IGSF23: variants seen among roughly 807,000 people sequenced by gnomAD.
IGSF23 encodes the protein immunoglobulin superfamily member 23.
A neutral mutation model predicts 17.8 loss-of-function variants in IGSF23; 14 were observed. The ratio of observed to expected loss-of-function variants is 0.79; its 90% CI spans 0.52 to 1.23. IGSF23 has a LOEUF of 1.23. IGSF23 is among the 50% of genes most tolerant of loss of function. The pLI is 0.00. For synonymous variants in IGSF23, 85 were observed against 92.5 expected, an observed-to-expected ratio of 0.92 and a Z score of 0.46; for missense variants, 214 against 241.7, an observed-to-expected ratio of 0.89 and a Z score of 0.76.
chr19:44,631,431 C>T (rs2123726873), intron 3 of IGSF23, among the ~76,000 whole-genome samples: 1 of 151,924 alleles, frequency 6.6e-6, no homozygotes, highest in South Asian at 2.1e-4. Context: ...CTACTAAAAA[C>T]ACAAAAATTA....
intron 1 of IGSF23, among the ~76,000 whole-genome samples, chr19:44,618,921 C>T (rs993270566): frequency 8.7e-5 from 13 of 149,878 alleles, no homozygotes; most frequent in South Asian, 2.1e-4. Flanking sequence ...TATTTTTTGT[C>T]GTTGTGTTAG....
In IGSF23 at chr19:44,623,747, C is replaced by T. The variant is rs574424666; in HGVS notation, c.166C>T (p.Arg56Trp). The part of the protein sequence containing the change: ...MPLKTFPAAI[R>W]GVIQSELNYS... ...ACTGAAGACATTCCCAGCTGCTATC[C>T]GGGGAGTCATCCAGAGTGAGCTCAA... Residue 56 changes from arginine (R) to tryptophan (W), a missense_variant, in exon 2 of 5, where the codon CGG (arginine) becomes TGG (tryptophan). Transcript: ENST00000402988. The T allele has an allele frequency of 3.5e-5, 54 of 1,551,068 alleles. No homozygotes were observed. In the East Asian group the frequency reaches 8.1e-4, roughly 23 times the overall value.
chr19:44,619,988 C>T (rs1402568875), intron 1 of IGSF23, among the ~76,000 whole-genome samples: 3 of 152,148 alleles, frequency 2.0e-5, no homozygotes, highest in Admixed American at 6.6e-5. Context: ...GTTCCAGTGT[C>T]GGCCAGGCGC....
At chr19:44,614,481 A>G (rs1972324311) in intron 1 of IGSF23, among the ~76,000 whole-genome samples, 1 of 152,110 alleles carries the variant, frequency 6.6e-6, no homozygotes, top group African/African-American at 2.4e-5. Flanking sequence ...TGTCCAGGCT[A>G]CAGTGCAGTG....
intron 4 of IGSF23, 82 bp downstream of exon 4, chr19:44,635,547 C>T: frequency 2.1e-6 from 2 of 937,328 alleles, no homozygotes; most frequent in Non-Finnish European, 3.3e-6. Context: ...TATGTGATTT[C>T]CTCCCTCCTG....
At chr19:44,623,672 AC>A in intron 1 of IGSF23, 34 bp from the exon 2 acceptor site, 2 of 1,545,548 alleles carry the variant, frequency 1.3e-6, no homozygotes, top group Non-Finnish European at 1.8e-6. Context: ...AGTGGACTCC[AC>A]TCTTGTGGCC....
At chr19:44,628,565 T>C (rs1005451117) in intron 3 of IGSF23, among the ~76,000 whole-genome samples, 1 of 152,008 alleles carries the variant, frequency 6.6e-6, no homozygotes, top group Non-Finnish European at 1.5e-5. Context: ...CTGAGCAACA[T>C]GACAAGACAT....
In IGSF23 at chr19:44,635,472, C is replaced by T. The variant is rs1384842901; in HGVS notation, c.*31+7C>T. 6.5e-7 allele frequency: 1 copy of T among 1,541,540 alleles called. No individual in the cohort carries two copies. The highest frequency in any genetic ancestry group is 1.4e-5 in the African/African-American group (1 of 72,792). ...TCTCCTGTCAGCTGAAGAGGTAATA[C>T]CAGGAAGGGTGTGAAGGAAATCCTA... On this transcript the variant is annotated splice_region_variant and intron_variant, in intron 4 of 4. Transcript: ENST00000402988.
At chr19:44,618,839 T>C (rs951837408) in intron 1 of IGSF23, among the ~76,000 whole-genome samples, 4 of 152,206 alleles carry the variant, frequency 2.6e-5, no homozygotes, top group African/African-American at 9.6e-5. Flanking sequence ...GCAAGTCACA[T>C]GGCCAGCCCA....
chr19:44,619,538 A>G (rs1444316774), intron 1 of IGSF23, among the ~76,000 whole-genome samples: 1 of 152,228 alleles, frequency 6.6e-6, no homozygotes, highest in Non-Finnish European at 1.5e-5. Flanking sequence ...AGACTGTCCT[A>G]GTCGGCTCGG....
intron 2 of IGSF23, among the ~76,000 whole-genome samples, chr19:44,624,505 G>A (rs989327070): frequency 6.6e-6 from 1 of 151,654 alleles, no homozygotes. Flanking sequence ...GGCTGGTCTC[G>A]AACTCCTGGG....
In IGSF23 at chr19:44,625,115, C is replaced by T. The variant is rs143736772; in HGVS notation, c.391+1143C>T. ...TCTAAGGAGTGGTTCAAAGCAATGG[C>T]TTTGGAATTTGAATCCCTGGCTGTG... On this transcript the variant is annotated intron_variant, in intron 2 of 4. Coordinates refer to ENST00000402988, the MANE Select transcript of IGSF23 (RefSeq NM_001205280.2). Among the ~76,000 whole-genome samples the T allele has an allele frequency of 4.2e-3, 642 of 152,080 alleles. 5 individuals are homozygous for T. The highest frequency in any genetic ancestry group is 0.015 in the African/African-American group (619 of 41,482).
chr19:44,635,628 T>C (rs1244463564), intron 4 of IGSF23, 163 bp downstream of exon 4: 2 of 556,016 alleles, frequency 3.6e-6, no homozygotes, highest in South Asian at 2.4e-5. Context: ...TTCTCTTCTT[T>C]TGCCAACTGC....
Position 44,620,527 on chromosome 19 carries a change from C to T in IGSF23, c.126-3180C>T, listed in dbSNP as rs541523340. On this transcript the variant is annotated intron_variant, in intron 1 of 4. Transcript: ENST00000402988. Reference sequence around the variant, plus strand: ...GATCACAGGCGCCCGCCACCACGCCCGGCTAATTTTTATATTTTTAGTAGA... The same window carrying T: ...GATCACAGGCGCCCGCCACCACGCCTGGCTAATTTTTATATTTTTAGTAGA... Among the ~76,000 whole-genome samples the T allele has an allele frequency of 2.2e-4, 33 of 152,014 alleles. No homozygotes were observed. In the East Asian group the frequency reaches 3.1e-3, roughly 14 times the overall value.
intron 3 of IGSF23, among the ~76,000 whole-genome samples, chr19:44,634,952 G>A (rs1972854057): frequency 1.3e-5 from 2 of 152,110 alleles, no homozygotes; most frequent in South Asian, 4.2e-4. Context: ...TCAGCCATGT[G>A]ATGATGATGA....
rs985394891 is a variant in IGSF23, at chr19:44,613,714, C to T, written c.69C>T (p.Thr23=). ...PVPAWSPPTT[T]TDPMLEKDAA... is the part of the protein sequence containing the mutation. ...CAGCCTGGTCCCCACCCACCACCAC[C>T]ACTGACCCGATGCTAGAGAAGGATG... Residue 23 remains threonine (T), a synonymous_variant, in exon 1 of 5, where the codon ACC becomes ACT. Coordinates refer to ENST00000402988, the MANE Select transcript of IGSF23 (RefSeq NM_001205280.2). 1 of 1,550,442 alleles carries T rather than the reference C, an allele frequency of 6.4e-7. No homozygotes were observed. The highest frequency in any genetic ancestry group is 2.4e-5 in the East Asian group (1 of 40,922).
intron 1 of IGSF23, among the ~76,000 whole-genome samples, chr19:44,616,238 T>G (rs1972373161): frequency 6.6e-6 from 1 of 152,192 alleles, no homozygotes; most frequent in Non-Finnish European, 1.5e-5. Flanking sequence ...ATGAAAAACC[T>G]TCAAAGAAAA....
intron 1 of IGSF23, among the ~76,000 whole-genome samples, chr19:44,622,536 G>A (rs1411513485): frequency 6.6e-6 from 1 of 152,112 alleles, no homozygotes; most frequent in East Asian, 1.9e-4. Flanking sequence ...GACCTCTTGG[G>A]TCACCTCCTC....
chr19:44,613,989 C>A lies in IGSF23; in HGVS notation c.125+219C>A, dbSNP rs1294435878. The A allele has an allele frequency of 2.0e-6, 3 of 1,526,978 alleles. No homozygotes were observed. In the East Asian group the frequency reaches 7.7e-5, roughly 39 times the overall value. 94.6% of individuals were successfully genotyped at this position (1,526,978 alleles called of 1,614,324 possible). ...CCTACCTGGAGGAAGCTGCTTTTAA[C>A]AGGTGCGTTGGAGACAGCGGCTTCA... On this transcript the variant is annotated intron_variant, in intron 1 of 4. Transcript: ENST00000402988.
Sources: gnomAD v4.1 joint callset for allele counts (sites outside exome capture counted in the v4.1 genomes callset) on GRCh38, gnomAD v4.1.1 for gene constraint, MANE v1.5 for transcripts, NCBI Gene and HGNC (gene_info 2026-07-23, HGNC 2026-07-21) for gene names.